The following SPTSSB variants were observed in gnomAD, a reference collection of about 807,000 sequenced individuals.
SPTSSB encodes the protein androgen down regulated in mouse prostate.
In SPTSSB, 6 loss-of-function variants were observed where a neutral mutation model predicts 7.7. The ratio of observed to expected loss-of-function variants is 0.78; its 90% confidence interval spans 0.43 to 1.54. The LOEUF is 1.54. SPTSSB is among the 40% of genes most tolerant of loss of function. SPTSSB has a pLI of 0.01. For missense variants in SPTSSB, 91 were observed against 93.0 expected (o/e 0.98, Z 0.09); for synonymous variants, 28 against 29.7 (o/e 0.94, Z 0.19).
Position 161,371,477 on chromosome 3 carries a change from A to C in SPTSSB, c.-168T>G. On this transcript the variant is annotated 5_prime_UTR_variant, in exon 1 of 3. Coordinates refer to ENST00000620149, the MANE Select transcript of SPTSSB (RefSeq NM_001040100.2). ...CTCCCTGCGGCTTAGGTGAGCGCCG[A>C]GGCTTTGGCTCCTCCCCAGCTGCTG... 1 of 985,478 alleles carries C rather than the reference A, an allele frequency of 1.0e-6. No individual in the cohort carries two copies. The highest frequency in any genetic ancestry group is 5.2e-4 in the Middle Eastern group (1 of 1,914). The allele number at this position is 985,478 out of a possible 1,614,324, so 61.0% of individuals were successfully genotyped here. A position where few individuals can be genotyped will look rare whatever the true frequency, so the allele number is the denominator to read the frequency against.
chr3:161,363,187 A>G (rs991527785), intron 1 of SPTSSB, among the ~76,000 whole-genome samples: 1 of 151,714 alleles, frequency 6.6e-6, no homozygotes, highest in Non-Finnish European at 1.5e-5. Context: ...ACTTTTTAGG[A>G]AAAACATTTC....
chr3:161,349,507 C>T (rs1714420931), intron 2 of SPTSSB, among the ~76,000 whole-genome samples: 1 of 152,202 alleles, frequency 6.6e-6, no homozygotes, highest in South Asian at 2.1e-4. Flanking sequence ...TATTCAGGCA[C>T]ACCATGCATC....
chr3:161,350,988 A>T (rs948004316), intron 2 of SPTSSB, among the ~76,000 whole-genome samples: 1 of 152,146 alleles, frequency 6.6e-6, no homozygotes, highest in Non-Finnish European at 1.5e-5. Flanking sequence ...ATTCCATTAG[A>T]GGGGCATTCT....
intron 1 of SPTSSB, among the ~76,000 whole-genome samples, chr3:161,363,698 A>G (rs1715103445): frequency 6.6e-6 from 1 of 152,212 alleles, no homozygotes; most frequent in Middle Eastern, 3.4e-3. Context: ...TTGTAGTCAA[A>G]GTATGTATTT....
intron 1 of SPTSSB, among the ~76,000 whole-genome samples, chr3:161,369,342 TTCTTTCTTTCTCTTTCTTTCTC>T (rs1715390621): frequency 4.9e-5 from 5 of 102,712 alleles, no homozygotes; most frequent in African/African-American, 8.0e-5. Flanking sequence ...CTTTCTTTCT[TTCTTTCTTTCTCTTTCTTTCTC>T]TCTCTGTCTC....
intron 1 of SPTSSB, among the ~76,000 whole-genome samples, chr3:161,367,638 G>A (rs1715277274): frequency 6.6e-6 from 1 of 152,216 alleles, no homozygotes; most frequent in Admixed American, 6.5e-5. Context: ...ATTTGGGAGA[G>A]TCTCCTGCAT....
intron 2 of SPTSSB, among the ~76,000 whole-genome samples, chr3:161,349,760 TA>T (rs1714437110): frequency 6.6e-6 from 1 of 152,194 alleles, no homozygotes; most frequent in African/African-American, 2.4e-5. Context: ...GAGACAGTGA[TA>T]ATACCGGCTG....
chr3:161,367,301 C>T (rs190794744), intron 1 of SPTSSB, among the ~76,000 whole-genome samples: 1 of 152,128 alleles, frequency 6.6e-6, no homozygotes, highest in African/African-American at 2.4e-5. Context: ...ATGGTCAAAA[C>T]CCACACAAAT....
chr3:161,355,243 A>G (rs1714715566), intron 2 of SPTSSB, among the ~76,000 whole-genome samples: 1 of 152,220 alleles, frequency 6.6e-6, no homozygotes, highest in African/African-American at 2.4e-5. Flanking sequence ...AAAGAAGGAA[A>G]AGGGAAAATA....
At chr3:161,352,256 A>G (rs1714575725) in intron 2 of SPTSSB, among the ~76,000 whole-genome samples, 1 of 152,176 alleles carries the variant, frequency 6.6e-6, no homozygotes, top group Admixed American at 6.5e-5. Context: ...TCTCCTGCTA[A>G]ATGCCATTCA....
At chr3:161,359,931 A>C in intron 1 of SPTSSB, 37 bp from the exon 2 acceptor site, 1 of 309,194 alleles carries the variant, frequency 3.2e-6, no homozygotes, top group Non-Finnish European at 4.7e-6. Flanking sequence ...AAACCAAAAG[A>C]TGTCTTCAAA....
intron 1 of SPTSSB, among the ~76,000 whole-genome samples, chr3:161,368,144 G>A (rs1715294831): frequency 6.6e-6 from 1 of 152,062 alleles, no homozygotes; most frequent in Non-Finnish European, 1.5e-5. Flanking sequence ...TGGTCATTGG[G>A]GAAAAGCCTC....
At chr3:161,350,530 T>C (rs1457153145) in intron 2 of SPTSSB, among the ~76,000 whole-genome samples, 1 of 152,156 alleles carries the variant, frequency 6.6e-6, no homozygotes, top group Non-Finnish European at 1.5e-5. Context: ...TTCATTTTTT[T>C]TTTGTGCTTC....
rs374321396 is a variant in SPTSSB at position 161,345,528 on chromosome 3, A to T, written c.*565T>A. On this transcript the variant is annotated 3_prime_UTR_variant, in exon 3 of 3. Transcript: ENST00000620149. ...ATTTAAAACAATTCATGAACTCTGT[A>T]TGAAAGGAAATAATTGCCTCCAGCT... is the stretch of plus-strand genomic sequence containing the variant. The T allele has an allele frequency of 2.0e-5, 3 of 152,718 alleles. No individual in the cohort carries two copies. Among genetic ancestry groups the T allele is most frequent in the Admixed American group, 6.5e-5 (1 of 15,278 alleles). The allele number at this position is 152,718 out of a possible 1,614,324, so 9.5% of individuals were successfully genotyped here.
At chr3:161,359,721 T>A (rs768382810) in intron 2 of SPTSSB, 81 bp downstream of exon 2, 242 of 985,258 alleles carry the variant, frequency 2.5e-4, no homozygotes, top group Middle Eastern at 5.2e-4. Context: ...GAGAACTAGA[T>A]GTGTTAATGA....
Position 161,354,506 on chromosome 3 carries a change from T to C in SPTSSB, c.-33+5296A>G, listed in dbSNP as rs566742164. On this transcript the variant is annotated intron_variant, in intron 2 of 2. Coordinates refer to ENST00000620149, the MANE Select transcript of SPTSSB (RefSeq NM_001040100.2). ...ATTGGCACATGCCACCATGCCCAGCTAATTTTTAAAAAACAGTTTTGTAGA... is the reference window on the plus strand; with the variant it reads ...ATTGGCACATGCCACCATGCCCAGCCAATTTTTAAAAAACAGTTTTGTAGA... 2.6e-5 allele frequency among the ~76,000 whole-genome samples: 4 copies of C among 152,148 alleles called. No homozygotes were observed. The East Asian group carries it at 7.7e-4, about 29-fold the overall frequency.
intron 2 of SPTSSB, among the ~76,000 whole-genome samples, chr3:161,352,090 T>C (rs897555950): frequency 2.6e-5 from 4 of 152,214 alleles, no homozygotes; most frequent in African/African-American, 9.6e-5. Context: ...TACCTTACAG[T>C]CTTCTAAACT....
At chr3:161,358,278 T>C (rs1412866919) in intron 2 of SPTSSB, among the ~76,000 whole-genome samples, 1 of 152,096 alleles carries the variant, frequency 6.6e-6, no homozygotes, top group Admixed American at 6.5e-5. Flanking sequence ...GCTCAATGTG[T>C]CATGAGGGCC....
At chr3:161,363,481 A>G (rs142657684) in intron 1 of SPTSSB, among the ~76,000 whole-genome samples, 128 of 152,088 alleles carry the variant, frequency 8.4e-4, no homozygotes, top group African/African-American at 2.9e-3. Context: ...AATCACAAAG[A>G]ATAATTTCTT....
Sources: gnomAD v4.1 joint callset for allele counts (sites outside exome capture counted in the v4.1 genomes callset) on GRCh38, gnomAD v4.1.1 for gene constraint, MANE v1.5 for transcripts, NCBI Gene and HGNC (gene_info 2026-07-23, HGNC 2026-07-21) for gene names.